LPXN: variants seen among roughly 807,000 people sequenced by gnomAD.
The protein encoded by LPXN is leupaxin.
In LPXN, 28 loss-of-function variants were observed where a neutral mutation model predicts 45.6. The observed-to-expected ratio is 0.61, with a 90% confidence interval of 0.45 to 0.84. LPXN has a LOEUF of 0.84. LPXN is among the 40% of genes least tolerant of loss of function. The pLI, the probability that LPXN is intolerant of heterozygous loss-of-function variation, is 0.00. For synonymous variants in LPXN, 166 were observed against 169.9 expected (o/e 0.98, Z 0.18); for missense variants, 459 against 475.0 (o/e 0.97, Z 0.31).
At chr11:58,553,800 T>C (rs1854120929) in intron 4 of LPXN, 1 of 152,216 alleles carries the variant, frequency 6.6e-6, no homozygotes, top group Non-Finnish European at 1.5e-5. Context: ...CTTTAATAAA[T>C]CTTTAAGCCC....
chr11:58,570,636 C>G lies in LPXN; in HGVS notation c.91G>C (p.Asp31His). The G allele has an allele frequency of 6.8e-6, 11 of 1,613,814 alleles. No individual in the cohort carries two copies. Among genetic ancestry groups the G allele is most frequent in the Non-Finnish European group, 9.3e-6 (11 of 1,179,892 alleles). The change falls in exon 2 of 9, where the codon GAT (aspartate) becomes CAT (histidine). Residue 31 changes from aspartate to histidine, a missense_variant. Physicochemically the swap from Asp to His is moderately conservative, Grantham distance 81. Transcript: ENST00000395074. ...TTAGTCTCCTTTCTGGAATGCTGATCCAGGGGAAGAGGAGCTGGGTTGGAA... is the reference window on the plus strand; with the variant it reads ...TTAGTCTCCTTTCTGGAATGCTGATGCAGGGGAAGAGGAGCTGGGTTGGAA... Reference protein sequence around the residue: ...EYSNPAPLPLDQHSRKETNLD... With the variant: ...EYSNPAPLPLHQHSRKETNLD...
intron 1 of LPXN, among the ~76,000 whole-genome samples, chr11:58,574,987 C>T (rs897597219): frequency 1.3e-5 from 2 of 152,156 alleles, no homozygotes; most frequent in African/African-American, 4.8e-5. Context: ...TTTAGTGACT[C>T]AGTGTTAGTT....
intron 7 of LPXN, among the ~76,000 whole-genome samples, chr11:58,530,104 G>A (rs1853343059): frequency 6.6e-6 from 1 of 152,198 alleles, no homozygotes; most frequent in South Asian, 2.1e-4. Flanking sequence ...CACAAAACTG[G>A]GCGGCTGTAT....
At chr11:58,578,866 A>T (rs1365830545), upstream of LPXN, among the ~76,000 whole-genome samples, 3 of 149,914 alleles carry the variant, frequency 2.0e-5, no homozygotes, top group Non-Finnish European at 4.4e-5. Context: ...TCACTTTGGG[A>T]TTGTCGCGAG....
intron 7 of LPXN, 50 bp from the exon 8 acceptor site, chr11:58,528,241 C>T: frequency 1.3e-6 from 2 of 1,582,180 alleles, no homozygotes; most frequent in Non-Finnish European, 1.7e-6. Flanking sequence ...GCCCTGAAAG[C>T]TACACTGGAG....
At chr11:58,569,395 T>G (rs1307491472) in intron 2 of LPXN, among the ~76,000 whole-genome samples, 2 of 152,152 alleles carry the variant, frequency 1.3e-5, no homozygotes, top group Admixed American at 6.5e-5. Context: ...TTTTTTTGTT[T>G]GTTTGTTTTT....
In LPXN at chr11:58,527,119, T is replaced by C. The variant is rs1033713602; in HGVS notation, c.*335A>G. ...GTAGGGCCATCACTAGAGGTGAAAA[T>C]GGAGAAACCTAAGAAAACCAGTGTT... On this transcript the variant is annotated 3_prime_UTR_variant, in exon 9 of 9. Transcript: ENST00000395074. The C allele has an allele frequency of 4.4e-6, 1 of 225,290 alleles. No individual in the cohort carries two copies. Among genetic ancestry groups the C allele is most frequent in the East Asian group, 9.6e-5 (1 of 10,430 alleles). 14.0% of individuals were successfully genotyped at this position (225,290 alleles called of 1,614,324 possible).
At chr11:58,572,388 TA>T (rs1288341278) in intron 1 of LPXN, among the ~76,000 whole-genome samples, 1 of 152,044 alleles carries the variant, frequency 6.6e-6, no homozygotes, top group African/African-American at 2.4e-5. Flanking sequence ...CAAACTGAAC[TA>T]AACTCTCGGG....
upstream of LPXN, among the ~76,000 whole-genome samples, chr11:58,578,819 C>T (rs1012438832): frequency 1.7e-4 from 26 of 151,974 alleles, no homozygotes; most frequent in East Asian, 9.7e-4. Context: ...CTCGCACTGC[C>T]CCTAGCGCGC....
intron 1 of LPXN, among the ~76,000 whole-genome samples, chr11:58,573,760 A>G (rs1854788308): frequency 6.6e-6 from 1 of 152,196 alleles, no homozygotes; most frequent in Admixed American, 6.5e-5. Context: ...TGAAGACTCC[A>G]TAATTCTTCT....
At chr11:58,573,246 CAAAA>C (rs59534059) in intron 1 of LPXN, among the ~76,000 whole-genome samples, 1 of 90,488 alleles carries the variant, frequency 1.1e-5, no homozygotes. Flanking sequence ...AACTCCGTCT[CAAAA>C]AAAAAAAAAA....
intron 3 of LPXN, among the ~76,000 whole-genome samples, chr11:58,558,818 T>C (rs913661087): frequency 1.3e-5 from 2 of 151,680 alleles, no homozygotes; most frequent in Admixed American, 1.3e-4. Flanking sequence ...TTTTTAAATG[T>C]AAAGATAATA....
intron 3 of LPXN, among the ~76,000 whole-genome samples, chr11:58,561,519 T>A (rs986759269): frequency 6.6e-6 from 1 of 152,216 alleles, no homozygotes; most frequent in East Asian, 1.9e-4. Flanking sequence ...ATTGTGGATG[T>A]TTCCCAGAAG....
chr11:58,571,293 G>A (rs577690094), intron 1 of LPXN, among the ~76,000 whole-genome samples: 4 of 152,018 alleles, frequency 2.6e-5, no homozygotes, highest in South Asian at 2.1e-4. Context: ...TCGAGATCAC[G>A]CCACCACACT....
At chr11:58,531,798 A>G (rs1310254814) in intron 7 of LPXN, among the ~76,000 whole-genome samples, 1 of 152,238 alleles carries the variant, frequency 6.6e-6, no homozygotes, top group Non-Finnish European at 1.5e-5. Context: ...ATGTGCTTGC[A>G]ACCCTTGCTC....
At chr11:58,545,597 C>A (rs527662976) in intron 7 of LPXN, among the ~76,000 whole-genome samples, 6 of 152,150 alleles carry the variant, frequency 3.9e-5, no homozygotes, top group Non-Finnish European at 8.8e-5. Context: ...AGTGAACAAG[C>A]AAATTACTAC....
At chr11:58,538,300 G>C (rs969731968) in intron 7 of LPXN, among the ~76,000 whole-genome samples, 3 of 152,138 alleles carry the variant, frequency 2.0e-5, no homozygotes, top group Admixed American at 6.5e-5. Flanking sequence ...TAATGGGGTG[G>C]CTGGGCCAAA....
intron 7 of LPXN, among the ~76,000 whole-genome samples, chr11:58,546,413 T>A (rs1032222794): frequency 6.6e-6 from 1 of 152,192 alleles, no homozygotes; most frequent in African/African-American, 2.4e-5. Context: ...TGATCAGAGA[T>A]GTTGGACACC....
chr11:58,532,301 C>T (rs185420334), intron 7 of LPXN, among the ~76,000 whole-genome samples: 7 of 152,348 alleles, frequency 4.6e-5, no homozygotes, highest in South Asian at 4.1e-4. Context: ...CCAGTCCCAT[C>T]GACCGCCCAA....
Sources: allele counts gnomAD v4.1 joint callset (sites outside exome capture counted in the v4.1 genomes callset), GRCh38; gene constraint gnomAD v4.1.1; transcripts MANE v1.5; gene names NCBI Gene and HGNC (gene_info 2026-07-23, HGNC 2026-07-21).